ARMC9: variants seen among roughly 807,000 people sequenced by gnomAD.
The protein encoded by ARMC9 is lisH domain-containing protein ARMC9.
ARMC9 carries 94 observed loss-of-function variants against 107.0 expected under a neutral mutation model. That is an observed-to-expected ratio of 0.88 (90% CI 0.74 to 1.04). The LOEUF is 1.04. Among genes scored for constraint, ARMC9 ranks in the 50% least tolerant of loss-of-function variants. The pLI, the probability that ARMC9 is intolerant of heterozygous loss-of-function variation, is 0.00. For missense variants in ARMC9, 942 were observed against 1,030.1 expected, an observed-to-expected ratio of 0.91 and a Z score of 1.17; for synonymous variants, 380 against 396.9, an observed-to-expected ratio of 0.96 and a Z score of 0.51.
In ARMC9 at chr2:231,375,833, G is replaced by T. The variant is rs142022990; in HGVS notation, c.*4298G>T. Among the ~76,000 whole-genome samples the T allele has an allele frequency of 6.6e-6, 1 of 152,154 alleles. No individual in the cohort carries two copies. The highest frequency in any genetic ancestry group is 1.5e-5 in the Non-Finnish European group (1 of 68,020). The stretch of plus-strand genomic sequence containing the variant: ...GGGACTAGAGAAATAGGAAACTGGG[G>T]ACAGAACCCGGGGGTGAGAAAGAAG... On this transcript the variant is annotated 3_prime_UTR_variant, in exon 25 of 25. Transcript: ENST00000611582. The surrounding 1 kb of genome is among the most constrained non-coding windows in gnomAD (Gnocchi z 4.3).
intron 19 of ARMC9, among the ~76,000 whole-genome samples, chr2:231,319,250 C>T (rs983202148): frequency 6.6e-6 from 1 of 152,092 alleles, no homozygotes; most frequent in African/African-American, 2.4e-5. Context: ...TGAACTGAGC[C>T]CAAAGGCGCT....
Position 231,206,246 on chromosome 2 carries a change from A to G in ARMC9, c.8A>G (p.Asp3Gly), listed in dbSNP as rs562937451. The G allele has an allele frequency of 1.4e-5, 22 of 1,613,752 alleles. No individual in the cohort carries two copies. In the East Asian group the frequency reaches 3.1e-4, roughly 23 times the overall value. ...TACCAGTAACAGTTCAATATGGGGGACATTCTGGCTCATGAATCTGAATTA... is the reference window on the plus strand; with the variant it reads ...TACCAGTAACAGTTCAATATGGGGGGCATTCTGGCTCATGAATCTGAATTA... MG[D>G]ILAHESELLG... The change falls in exon 2 of 25, where the codon GAC becomes GGC. Residue 3 changes from aspartate (D) to glycine (G), a missense_variant. Coordinates refer to ENST00000611582, the MANE Select transcript of ARMC9 (RefSeq NM_001352754.2).
At chr2:231,343,421 A>C (rs1397648503) in intron 20 of ARMC9, among the ~76,000 whole-genome samples, 1 of 151,530 alleles carries the variant, frequency 6.6e-6, no homozygotes, top group Non-Finnish European at 1.5e-5. Flanking sequence ...TATTTTATTT[A>C]CTTTTTGTTT....
Position 231,358,858 on chromosome 2 carries a change from A to T in ARMC9, c.2132-1896A>T, listed in dbSNP as rs2045448872. On this transcript the variant is annotated intron_variant, in intron 22 of 24. Coordinates refer to ENST00000611582, the MANE Select transcript of ARMC9 (RefSeq NM_001352754.2). The surrounding 1 kb of genome is among the most constrained non-coding windows in gnomAD (Gnocchi z 4.5). Reference sequence around the variant, plus strand: ...ATAATATGGCTTAGCATTTTGCAGAACGTTGGCCTAAGGAAAGCTATTCTC... The same window carrying T: ...ATAATATGGCTTAGCATTTTGCAGATCGTTGGCCTAAGGAAAGCTATTCTC... 6.6e-6 allele frequency among the ~76,000 whole-genome samples: 1 copy of T among 152,202 alleles called. No individual in the cohort carries two copies. Among genetic ancestry groups the T allele is most frequent in the South Asian group, 2.1e-4 (1 of 4,838 alleles).
At chr2:231,309,189 G>A (rs906038526) in intron 19 of ARMC9, among the ~76,000 whole-genome samples, 6 of 152,148 alleles carry the variant, frequency 3.9e-5, no homozygotes, top group African/African-American at 7.2e-5. Context: ...CATGGCTCCT[G>A]CCCTCATTTC....
rs191895899 is a variant in ARMC9 at position 231,330,480 on chromosome 2, G to A, written c.1774-1313G>A. ...GGCTCCTCCAACACCACCCCAGGAAGGGTGTGAGGGGCATCTGGTCACTGC... is the reference window on the plus strand; with the variant it reads ...GGCTCCTCCAACACCACCCCAGGAAAGGTGTGAGGGGCATCTGGTCACTGC... On this transcript the variant is annotated intron_variant, in intron 19 of 24. Transcript: ENST00000611582. 2.7e-3 allele frequency among the ~76,000 whole-genome samples: 407 copies of A among 152,308 alleles called. 11 individuals carry two copies. Among genetic ancestry groups the A allele is most frequent in the Non-Finnish European group, 1.4e-3 (98 of 68,020 alleles).
chr2:231,206,263 T>C lies in ARMC9; in HGVS notation c.25T>C (p.Ser9Pro), dbSNP rs774906944. The change falls in exon 2 of 25, where the codon TCT (serine) becomes CCT (proline). Residue 9 changes from serine (S) to proline (P), a missense_variant. By Grantham distance (74) the Ser-to-Pro change is moderately conservative. Coordinates refer to ENST00000611582, the MANE Select transcript of ARMC9 (RefSeq NM_001352754.2). ...TATGGGGGACATTCTGGCTCATGAA[T>C]CTGAATTACTTGGACTAGTGAAAGA... MGDILAHE[S>P]ELLGLVKEYL... 3.1e-6 allele frequency: 5 copies of C among 1,613,716 alleles called. No homozygotes were observed. The African/African-American group carries it at 6.7e-5, about 22-fold the overall frequency.
intron 2 of ARMC9, 76 bp from the exon 3 acceptor site, chr2:231,208,051 T>C (rs2032286256): frequency 2.8e-6 from 2 of 709,548 alleles, no homozygotes; most frequent in Non-Finnish European, 4.7e-6. Flanking sequence ...TAAATATCTA[T>C]TCAGATCCTT....
chr2:231,276,122 C>A (rs2039727527), intron 14 of ARMC9, among the ~76,000 whole-genome samples: 1 of 152,126 alleles, frequency 6.6e-6, no homozygotes, highest in Non-Finnish European at 1.5e-5. Context: ...GCCTCCTTAC[C>A]ACCTTATCTT....
intron 20 of ARMC9, among the ~76,000 whole-genome samples, chr2:231,332,989 G>C (rs930099696): frequency 6.6e-6 from 1 of 152,174 alleles, no homozygotes; most frequent in Non-Finnish European, 1.5e-5. Context: ...GGAGAAAGAC[G>C]ATGCATGCAG....
At position 231,239,977 on chromosome 2, in the gene ARMC9, G is replaced by C; in HGVS notation, c.815G>C (p.Arg272Pro). 6.2e-7 allele frequency: 1 copy of C among 1,614,006 alleles called. No individual in the cohort carries two copies. The highest frequency in any genetic ancestry group is 1.1e-5 in the South Asian group (1 of 91,046). ...GAGTACCTCCAGAGCGTCTGTGTCC[G>C]CCTGTTCAGTAACCAGATGCGGCAG... ...TPEYLQSVCV[R>P]LFSNQMRQSL... Residue 272 changes from arginine to proline, a missense_variant, in exon 9 of 25, where the codon CGC becomes CCC. By Grantham distance (103) the Arg-to-Pro change is moderately radical. Transcript: ENST00000611582.
intron 19 of ARMC9, among the ~76,000 whole-genome samples, chr2:231,310,662 G>A (rs906407376): frequency 6.7e-6 from 1 of 149,804 alleles, no homozygotes; most frequent in African/African-American, 2.5e-5. Flanking sequence ...ACCCGGGGTA[G>A]GGGGGAACGG....
intron 8 of ARMC9, among the ~76,000 whole-genome samples, chr2:231,237,025 C>T (rs1178836908): frequency 6.6e-6 from 1 of 152,122 alleles, no homozygotes; most frequent in Non-Finnish European, 1.5e-5. Context: ...AAAAGAACCG[C>T]GTTGTTTTGG....
intron 1 of ARMC9, among the ~76,000 whole-genome samples, chr2:231,199,711 T>C (rs1369927773): frequency 6.6e-6 from 1 of 152,216 alleles, no homozygotes; most frequent in Admixed American, 6.5e-5. Context: ...TTTTCCTTTT[T>C]TTGAGACGGA....
At position 231,214,826 on chromosome 2, in the gene ARMC9, C is replaced by A. The variant is rs747328656; in HGVS notation, c.178-5C>A. Reference sequence around the variant, plus strand: ...GAGGTATGTAGTCTGATGTCTTCTCCACAGAAGGATCTTGTCGCTGCATTT... The same window carrying A: ...GAGGTATGTAGTCTGATGTCTTCTCAACAGAAGGATCTTGTCGCTGCATTT... On this transcript the variant is annotated splice_polypyrimidine_tract_variant and splice_region_variant and intron_variant, in intron 3 of 24. Coordinates refer to ENST00000611582, the MANE Select transcript of ARMC9 (RefSeq NM_001352754.2). The A allele has an allele frequency of 3.1e-6, 5 of 1,613,586 alleles. No homozygotes were observed. In the South Asian group the frequency reaches 5.5e-5, roughly 18 times the overall value.
intron 20 of ARMC9, among the ~76,000 whole-genome samples, chr2:231,337,070 C>G (rs1441629995): frequency 6.6e-6 from 1 of 152,110 alleles, no homozygotes; most frequent in African/African-American, 2.4e-5. Flanking sequence ...ACAACAAAAA[C>G]CAAAACTAGA....
intron 23 of ARMC9, among the ~76,000 whole-genome samples, chr2:231,368,564 A>G (rs1319343485): frequency 6.6e-6 from 1 of 152,214 alleles, no homozygotes; most frequent in Non-Finnish European, 1.5e-5. Flanking sequence ...GTAAGCAACA[A>G]TGTCACATAG....
intron 17 of ARMC9, among the ~76,000 whole-genome samples, chr2:231,285,203 GA>G (rs573590692): frequency 2.7e-5 from 4 of 147,926 alleles, no homozygotes; most frequent in South Asian, 4.3e-4. Flanking sequence ...GTCTCAAAAG[GA>G]AAAAAAAAAT....
chr2:231,317,357 G>T (rs1225394765), intron 19 of ARMC9, among the ~76,000 whole-genome samples: 1 of 151,964 alleles, frequency 6.6e-6, no homozygotes, highest in Non-Finnish European at 1.5e-5. Context: ...TTTTAGTCGA[G>T]GCAGGGTTTC....
Sources: allele counts gnomAD v4.1 joint callset (sites outside exome capture counted in the v4.1 genomes callset), GRCh38; gene constraint gnomAD v4.1.1; non-coding constraint Gnocchi (gnomAD v3.1); transcripts MANE v1.5; gene names NCBI Gene and HGNC (gene_info 2026-07-23, HGNC 2026-07-21).